The following WDFY2 variants were observed in gnomAD, a reference collection of about 807,000 sequenced individuals.
WDFY2 encodes WD repeat and FYVE domain-containing protein 2.
A neutral mutation model predicts 56.4 loss-of-function variants in WDFY2; 36 were observed. The ratio of observed to expected loss-of-function variants is 0.64; its 90% CI spans 0.49 to 0.84. The LOEUF (loss-of-function observed/expected upper bound fraction) is 0.84. Among genes scored for constraint, WDFY2 ranks in the 40% least tolerant of loss-of-function variants. The pLI, the probability that WDFY2 is intolerant of heterozygous loss-of-function variation, is 0.00. For missense variants in WDFY2, 444 were observed against 512.2 expected (o/e 0.87, Z 1.29); for synonymous variants, 176 against 183.7 (o/e 0.96, Z 0.34).
chr13:51,738,708 T>A (rs943822393), intron 6 of WDFY2, among the ~76,000 whole-genome samples: 6 of 152,222 alleles, frequency 3.9e-5, no homozygotes, highest in African/African-American at 1.4e-4. Context: ...AGGCAGCAGT[T>A]AAGAAAATGT....
chr13:51,750,509 T>A lies in WDFY2; in HGVS notation c.726-801T>A, dbSNP rs1285845454. 2.7e-5 allele frequency among the ~76,000 whole-genome samples: 4 copies of A among 145,558 alleles called. No homozygotes were observed. In the South Asian group the frequency reaches 6.6e-4, roughly 24 times the overall value. On this transcript the variant is annotated intron_variant, in intron 7 of 11. Coordinates refer to ENST00000298125, the MANE Select transcript of WDFY2 (RefSeq NM_052950.4). ...TCCCAGTAGAAACAAAATTCTTCAT[T>A]GATTTGAGCTCAAAATAGACGAACA... is the stretch of plus-strand genomic sequence containing the variant.
rs1323669057 is a variant in WDFY2, at chr13:51,760,811, G to T, written c.*1042G>T. On this transcript the variant is annotated 3_prime_UTR_variant, in exon 12 of 12. Transcript: ENST00000298125. ...AGAGTTTCTGCTCCTGTGAGAATCT[G>T]ACGCCACCGCTGATCTGATGGGAGG... 2 of 152,354 alleles carry T rather than the reference G, an allele frequency of 1.3e-5. No homozygotes were observed. Among genetic ancestry groups the T allele is most frequent in the African/African-American group, 4.8e-5 (2 of 41,466 alleles). The allele number at this position is 152,354 out of a possible 1,614,324, so 9.4% of individuals were successfully genotyped here.
intron 3 of WDFY2, among the ~76,000 whole-genome samples, chr13:51,676,205 C>A (rs1955886630): frequency 6.6e-6 from 1 of 152,140 alleles, no homozygotes; most frequent in African/African-American, 2.4e-5. Context: ...TAGATGTGTC[C>A]TTAGAAAGAT....
intron 1 of WDFY2, among the ~76,000 whole-genome samples, chr13:51,615,799 G>A (rs1482739550): frequency 6.6e-6 from 1 of 152,134 alleles, no homozygotes; most frequent in Non-Finnish European, 1.5e-5. Flanking sequence ...TGCATATAAA[G>A]GAATCAAGGT....
chr13:51,707,002 A>G (rs1288538101), intron 4 of WDFY2, among the ~76,000 whole-genome samples: 1 of 151,546 alleles, frequency 6.6e-6, no homozygotes, highest in African/African-American at 2.4e-5. Flanking sequence ...ACGATTATGG[A>G]AAAAACAGGA....
chr13:51,708,243 A>T (rs1371788291), intron 4 of WDFY2, among the ~76,000 whole-genome samples: 1 of 151,802 alleles, frequency 6.6e-6, no homozygotes, highest in Admixed American at 6.6e-5. Flanking sequence ...CTGTGATCCT[A>T]GCACTTTGGG....
At chr13:51,657,792 CTT>C (rs1380934324) in intron 1 of WDFY2, among the ~76,000 whole-genome samples, 4 of 152,056 alleles carry the variant, frequency 2.6e-5, no homozygotes, top group Non-Finnish European at 5.9e-5. Flanking sequence ...CAGAATTTCT[CTT>C]TGATTCCCTT....
chr13:51,600,650 A>G (rs1040926052), intron 1 of WDFY2, among the ~76,000 whole-genome samples: 1 of 152,160 alleles, frequency 6.6e-6, no homozygotes, highest in Non-Finnish European at 1.5e-5. Flanking sequence ...TTATGGCCAG[A>G]AGTAGAGTCA....
chr13:51,715,365 A>G (rs1169215353), intron 4 of WDFY2, among the ~76,000 whole-genome samples: 2 of 152,104 alleles, frequency 1.3e-5, no homozygotes, highest in Non-Finnish European at 2.9e-5. Flanking sequence ...TAAATTTTTA[A>G]TATTTTTGTT....
intron 7 of WDFY2, among the ~76,000 whole-genome samples, chr13:51,742,227 T>G (rs1387934322): frequency 6.6e-6 from 1 of 152,236 alleles, no homozygotes; most frequent in East Asian, 1.9e-4. Context: ...CTAGCTTGAT[T>G]TGGTGTGTAA....
At chr13:51,636,261 A>C (rs1331564472) in intron 1 of WDFY2, among the ~76,000 whole-genome samples, 1 of 152,104 alleles carries the variant, frequency 6.6e-6, no homozygotes, top group South Asian at 2.1e-4. Context: ...TGGCACACAC[A>C]CTCTGATTTG....
At chr13:51,592,836 T>C (rs1206127628) in intron 1 of WDFY2, among the ~76,000 whole-genome samples, 9 of 152,074 alleles carry the variant, frequency 5.9e-5, no homozygotes, top group Non-Finnish European at 2.9e-5. Flanking sequence ...ATAAAGATAA[T>C]ATAGGCCAGG....
chr13:51,758,206 C>T lies in WDFY2; in HGVS notation c.1079C>T (p.Ala360Val). 2 of 1,576,446 alleles carry T rather than the reference C, an allele frequency of 1.3e-6. No homozygotes were observed. Among genetic ancestry groups the T allele is most frequent in the South Asian group, 1.1e-5 (1 of 86,986 alleles). The change falls in exon 11 of 12, where the codon GCC becomes GTC. Residue 360 changes from alanine (A) to valine (V), a missense_variant. Coordinates refer to ENST00000298125, the MANE Select transcript of WDFY2 (RefSeq NM_052950.4). ...AITDEERAPTATFHDSKHNIV... is the reference protein window; with the variant it reads ...AITDEERAPTVTFHDSKHNIV... Reference sequence around the variant, plus strand: ...GCTCCTTCTAGACGTGCACCCACAGCCACCTTCCATGACAGTAAACATAAC... The same window carrying T: ...GCTCCTTCTAGACGTGCACCCACAGTCACCTTCCATGACAGTAAACATAAC...
chr13:51,652,679 G>T (rs1375171654), intron 1 of WDFY2, among the ~76,000 whole-genome samples: 8 of 152,144 alleles, frequency 5.3e-5, no homozygotes, highest in Non-Finnish European at 1.2e-4. Context: ...AGTTTGGCTG[G>T]ATATGAAATT....
intron 5 of WDFY2, among the ~76,000 whole-genome samples, chr13:51,726,068 CT>C (rs1390104707): frequency 1.3e-5 from 2 of 152,218 alleles, no homozygotes; most frequent in South Asian, 2.1e-4. Context: ...TCACTGTCCC[CT>C]GACCTTGCCA....
At chr13:51,667,955 G>A (rs1444729938) in intron 2 of WDFY2, among the ~76,000 whole-genome samples, 7 of 122,554 alleles carry the variant, frequency 5.7e-5, no homozygotes, top group African/African-American at 9.5e-5. Flanking sequence ...GCAGTGGCAC[G>A]ATCTCGGCTC....
intron 3 of WDFY2, among the ~76,000 whole-genome samples, chr13:51,702,913 A>G (rs968752344): frequency 6.6e-6 from 1 of 152,234 alleles, no homozygotes. Flanking sequence ...CAGCTTCTAC[A>G]TACAGGTCAC....
At chr13:51,670,539 A>G (rs940119654) in intron 2 of WDFY2, among the ~76,000 whole-genome samples, 2 of 147,044 alleles carry the variant, frequency 1.4e-5, no homozygotes, top group Non-Finnish European at 3.0e-5. Context: ...ACACACACAG[A>G]TGTTTGCCTG....
At chr13:51,620,654 G>C (rs1954708219) in intron 1 of WDFY2, among the ~76,000 whole-genome samples, 2 of 151,990 alleles carry the variant, frequency 1.3e-5, no homozygotes, top group African/African-American at 4.8e-5. Flanking sequence ...CAAAAGTCAG[G>C]GCCACAGAGG....
Sources: gnomAD v4.1 joint callset for allele counts (sites outside exome capture counted in the v4.1 genomes callset) on GRCh38, gnomAD v4.1.1 for gene constraint, MANE v1.5 for transcripts, NCBI Gene and HGNC (gene_info 2026-07-23, HGNC 2026-07-21) for gene names.